GALM: variants seen among roughly 807,000 people sequenced by gnomAD.
The protein encoded by GALM is aldose 1-epimerase.
Under a neutral mutation model 37.4 loss-of-function variants are expected in GALM, and 43 were observed. That is an observed-to-expected ratio of 1.15 (90% CI 0.90 to 1.48). The LOEUF is 1.48. Among genes scored for constraint, GALM ranks in the 40% most tolerant of loss-of-function variants. The probability of loss-of-function intolerance (pLI) is 0.00; values close to 1 mark genes in which losing one functional copy is unlikely to be tolerated. For missense variants in GALM, 456 were observed against 419.1 expected, an observed-to-expected ratio of 1.09 and a Z score of -0.77; for synonymous variants, 199 against 170.6, an observed-to-expected ratio of 1.17 and a Z score of -1.30.
intron 3 of GALM, among the ~76,000 whole-genome samples, chr2:38,686,159 G>A (rs1235142359): frequency 6.7e-6 from 1 of 150,288 alleles, no homozygotes; most frequent in Non-Finnish European, 1.5e-5. Flanking sequence ...TATTTGGAGT[G>A]TGATTTTCAT....
chr2:38,728,754 C>G (rs377460936), intron 4 of GALM, among the ~76,000 whole-genome samples: 123 of 152,240 alleles, frequency 8.1e-4, no homozygotes, highest in African/African-American at 2.7e-3. Context: ...GAAACAGAGC[C>G]CTTTTCTTTT....
Position 38,707,609 on chromosome 2 carries a change from G to A in GALM, c.634+17715G>A, listed in dbSNP as rs185187180. On this transcript the variant is annotated intron_variant, in intron 4 of 6. Coordinates refer to ENST00000272252, the MANE Select transcript of GALM (RefSeq NM_138801.3). ...TCAGGGCAGAAGCCAGACTGTAACC[G>A]TTTGAGAAGTGACAAAAAGTGAGGA... 9.9e-5 allele frequency among the ~76,000 whole-genome samples: 15 copies of A among 152,258 alleles called. No individual in the cohort carries two copies. The South Asian group carries it at 1.5e-3, about 15-fold the overall frequency.
Position 38,733,521 on chromosome 2 carries a change from G to A in GALM, c.985G>A (p.Glu329Lys), listed in dbSNP as rs774218658. 3.1e-6 allele frequency: 5 copies of A among 1,613,896 alleles called. No individual in the cohort carries two copies. The highest frequency in any genetic ancestry group is 4.2e-6 in the Non-Finnish European group (5 of 1,179,948). The stretch of plus-strand genomic sequence containing the variant: ...CCCTCCTGTGCTGCTGAGGCCTGGT[G>A]AGGAGTATGACCACACCACCTGGTT... ...RFPPVLLRPG[E>K]EYDHTTWFKF... Residue 329 changes from glutamate to lysine, a missense_variant, in exon 7 of 7, where the codon GAG becomes AAG. Coordinates refer to ENST00000272252, the MANE Select transcript of GALM (RefSeq NM_138801.3).
chr2:38,673,941 T>C (rs1166739073), intron 1 of GALM, among the ~76,000 whole-genome samples: 2 of 151,602 alleles, frequency 1.3e-5, no homozygotes, highest in East Asian at 3.9e-4. Context: ...TGTGATACTC[T>C]ATGTAGTATG....
At chr2:38,696,548 C>T (rs1465397142) in intron 4 of GALM, among the ~76,000 whole-genome samples, 8 of 151,566 alleles carry the variant, frequency 5.3e-5, no homozygotes, top group Non-Finnish European at 7.4e-5. Context: ...CCTCCTGGCT[C>T]CGCCTTCCAA....
Position 38,734,152 on chromosome 2 carries a change from A to T in GALM, c.*587A>T, listed in dbSNP as rs569139967. 6.3e-6 allele frequency: 1 copy of T among 158,138 alleles called. No homozygotes were observed. Among genetic ancestry groups the T allele is most frequent in the Non-Finnish European group, 1.4e-5 (1 of 71,506 alleles). 9.8% of individuals were successfully genotyped at this position (158,138 alleles called of 1,614,324 possible). A position where few individuals can be genotyped will look rare whatever the true frequency, so the allele number is the denominator to read the frequency against. ...GGTGGCTCACGCCTGTAATCCCAGC[A>T]CTTTGGAAGGCCGAGGCAGGCGGAT... On this transcript the variant is annotated 3_prime_UTR_variant, in exon 7 of 7. Transcript: ENST00000272252.
intron 4 of GALM, among the ~76,000 whole-genome samples, chr2:38,720,700 A>ATCATCAGAAGGCTTGT (rs1460038653): frequency 1.2e-4 from 19 of 152,234 alleles, no homozygotes; most frequent in African/African-American, 4.6e-4. Flanking sequence ...CAGGGCTGGA[A>ATCATCAGAAGGCTTGT]TCATCAGAAG....
At chr2:38,705,388 T>C (rs1387910111) in intron 4 of GALM, among the ~76,000 whole-genome samples, 1 of 152,084 alleles carries the variant, frequency 6.6e-6, no homozygotes, top group Non-Finnish European at 1.5e-5. Flanking sequence ...GCCTGAGAGA[T>C]AAAGAGGATG....
rs1665956114 is a variant in GALM, at chr2:38,703,074, ATATATATATATATATATATTTTTTTTT to A, written c.634+13182_634+13208del. ...GGATTTTATATATATATATATATAT[ATATATATATATATATATATTTTTTTTT>A]TTTTTTTTTTTTTTTTTTTTTTTGA... On this transcript the variant is annotated intron_variant, in intron 4 of 6. Transcript: ENST00000272252. Among the ~76,000 whole-genome samples the A allele has an allele frequency of 2.3e-3, 11 of 4,858 alleles. 1 individual carries two copies. The highest frequency in any genetic ancestry group is 4.6e-3 in the African/African-American group (9 of 1,938). 3.2% of individuals were successfully genotyped at this position (4,858 alleles called of 152,430 possible). A position where few individuals can be genotyped will look rare whatever the true frequency, so the allele number is the denominator to read the frequency against.
intron 4 of GALM, among the ~76,000 whole-genome samples, chr2:38,722,030 T>TTCCCCCCCCCCCCCC (rs1666385953): frequency 2.4e-5 from 1 of 41,386 alleles, no homozygotes; most frequent in Non-Finnish European, 4.1e-5. Flanking sequence ...TGCCTTCCCT[T>TTCCCCCCCCCCCCCC]CCCCCCCCCA....
At chr2:38,694,273 A>G (rs941194880) in intron 4 of GALM, among the ~76,000 whole-genome samples, 2 of 152,196 alleles carry the variant, frequency 1.3e-5, no homozygotes, top group African/African-American at 4.8e-5. Context: ...TTTACTATAT[A>G]AATACCCAAG....
chr2:38,708,931 G>C (rs1287793787), intron 4 of GALM, among the ~76,000 whole-genome samples: 1 of 152,164 alleles, frequency 6.6e-6, no homozygotes. Context: ...CCGTGAATCT[G>C]TGGTGGCCTC....
Position 38,666,170 on chromosome 2 carries a change from G to C in GALM, c.9G>C (p.Ser3=). 1 of 1,611,264 alleles carries C rather than the reference G, an allele frequency of 6.2e-7. No homozygotes were observed. The highest frequency in any genetic ancestry group is 1.1e-5 in the South Asian group (1 of 90,804). The change falls in exon 1 of 7, where the codon TCG becomes TCC. Residue 3 remains serine (S), a synonymous_variant. Coordinates refer to ENST00000272252, the MANE Select transcript of GALM (RefSeq NM_138801.3). MA[S]VTRAVFGELP... ...CACGCCAAACTTTCCCTATGGCTTCGGTGACCAGGGCCGTGTTTGGAGAGC... is the reference window on the plus strand; with the variant it reads ...CACGCCAAACTTTCCCTATGGCTTCCGTGACCAGGGCCGTGTTTGGAGAGC...
intron 3 of GALM, among the ~76,000 whole-genome samples, chr2:38,687,518 T>G (rs942234503): frequency 6.6e-6 from 1 of 152,136 alleles, no homozygotes; most frequent in Non-Finnish European, 1.5e-5. Context: ...GAGACCAGCC[T>G]GGCCAACATG....
intron 4 of GALM, among the ~76,000 whole-genome samples, chr2:38,699,593 T>G (rs765528834): frequency 2.0e-5 from 3 of 152,102 alleles, no homozygotes; most frequent in African/African-American, 4.8e-5. Flanking sequence ...CGAGGTGGAC[T>G]GATCACCTGA....
At chr2:38,731,462 G>A (rs1056648415) in intron 5 of GALM, among the ~76,000 whole-genome samples, 4 of 151,194 alleles carry the variant, frequency 2.6e-5, no homozygotes, top group African/African-American at 7.3e-5. Context: ...CAACCTGGCT[G>A]CTGCCTTCCT....
Position 38,713,689 on chromosome 2 carries a change from AGCT to A in GALM, c.635-15866_635-15864del, listed in dbSNP as rs1343194916. ...GAGGCCAAGACAGAAGGATTGCTTG[AGCT>A]CATGAGTTTGAGACCAGTCTGAGCA... On this transcript the variant is annotated intron_variant, in intron 4 of 6. Coordinates refer to ENST00000272252, the MANE Select transcript of GALM (RefSeq NM_138801.3). 2.0e-5 allele frequency among the ~76,000 whole-genome samples: 3 copies of A among 152,082 alleles called. No homozygotes were observed. In the East Asian group the frequency reaches 5.8e-4, roughly 29 times the overall value.
intron 1 of GALM, among the ~76,000 whole-genome samples, chr2:38,667,480 G>A (rs1338606867): frequency 6.6e-6 from 1 of 152,184 alleles, no homozygotes; most frequent in Non-Finnish European, 1.5e-5. Context: ...TGAGGCAGGA[G>A]AATAGCTTGA....
Position 38,686,129 on chromosome 2 carries a change from A to G in GALM, c.553-3684A>G, listed in dbSNP as rs1417364922. 2.0e-5 allele frequency among the ~76,000 whole-genome samples: 3 copies of G among 151,708 alleles called. No individual in the cohort carries two copies. In the East Asian group the frequency reaches 5.8e-4, roughly 29 times the overall value. On this transcript the variant is annotated intron_variant, in intron 3 of 6. Transcript: ENST00000272252. Reference sequence around the variant, plus strand: ...TCCTTCTCCTCCTAGGCTTCTTCCTAAATCTCAGGCTCATCAGTTTATTTG... The same window carrying G: ...TCCTTCTCCTCCTAGGCTTCTTCCTGAATCTCAGGCTCATCAGTTTATTTG...
Sources: allele counts gnomAD v4.1 joint callset (sites outside exome capture counted in the v4.1 genomes callset), GRCh38; gene constraint gnomAD v4.1.1; transcripts MANE v1.5; gene names NCBI Gene and HGNC (gene_info 2026-07-23, HGNC 2026-07-21).